The following ELL2 variants were observed in gnomAD, a reference collection of about 807,000 sequenced individuals.
The protein encoded by ELL2 is elongation factor for RNA polymerase II 2.
ELL2 carries 21 observed loss-of-function variants against 72.8 expected under a neutral mutation model. The observed-to-expected ratio is 0.29, with a 90% confidence interval of 0.20 to 0.42. The LOEUF (loss-of-function observed/expected upper bound fraction) is 0.42. ELL2 is among the 10% of genes least tolerant of loss of function. The pLI is 1.00. For missense variants in ELL2, 568 were observed against 772.8 expected (o/e 0.73, Z 3.14); for synonymous variants, 266 against 283.2 (o/e 0.94, Z 0.61).
chr5:95,929,882 T>C (rs1750535761), intron 2 of ELL2, among the ~76,000 whole-genome samples: 1 of 152,060 alleles, frequency 6.6e-6, no homozygotes, highest in South Asian at 2.1e-4. Context: ...TCTTATGCTA[T>C]GTTTAGCCCC....
chr5:95,907,296 A>ATTTTTTTTTTTTTTTTTTTTTT (rs1211663802), intron 4 of ELL2, among the ~76,000 whole-genome samples: 2 of 116,490 alleles, frequency 1.7e-5, no homozygotes, highest in African/African-American at 8.2e-5. Flanking sequence ...ATATATATAT[A>ATTTTTTTTTTTTTTTTTTTTTT]TTTTTTTTTT....
chr5:95,961,630 T>C lies in ELL2; in HGVS notation c.92A>G (p.His31Arg). 3 of 1,609,258 alleles carry C rather than the reference T, an allele frequency of 1.9e-6. No homozygotes were observed. The highest frequency in any genetic ancestry group is 2.5e-6 in the Non-Finnish European group (3 of 1,178,348). ...GATCGCCGTCTCGGTGAGCTTCACA[T>C]GCAGTACGGTGATGTTGTCCTGCCC... ...RLGQDNITVL[H>R]VKLTETAIRA... The change falls in exon 1 of 12, where the codon CAT becomes CGT. Residue 31 changes from histidine (H) to arginine (R), a missense_variant. His to Arg is a conservative substitution (Grantham distance 29). Around this residue, in one of 2 missense-constraint regions of ELL2, gnomAD observed 57 missense variants for 44.4 expected, o/e 1.28. Coordinates refer to ENST00000237853, the MANE Select transcript of ELL2 (RefSeq NM_012081.6).
chr5:95,909,645 A>G (rs1037001013), intron 4 of ELL2, among the ~76,000 whole-genome samples: 1 of 152,202 alleles, frequency 6.6e-6, no homozygotes, highest in South Asian at 2.1e-4. Context: ...CTATGGGAGA[A>G]CCTAATTCTC....
At chr5:95,916,079 A>G (rs945462199) in intron 3 of ELL2, among the ~76,000 whole-genome samples, 3 of 151,952 alleles carry the variant, frequency 2.0e-5, no homozygotes, top group Admixed American at 2.0e-4. Context: ...CAGTGATGGC[A>G]TGAACCAGAG....
chr5:95,948,293 T>C (rs1039170398), intron 1 of ELL2, among the ~76,000 whole-genome samples: 6 of 151,722 alleles, frequency 4.0e-5, no homozygotes, highest in African/African-American at 1.5e-4. Flanking sequence ...TAGCCGGGTG[T>C]GGTGTGGGCA....
chr5:95,889,271 T>C lies in ELL2; in HGVS notation c.1762-141A>G, dbSNP rs1267796900. 5.3e-5 allele frequency: 37 copies of C among 700,714 alleles called. No individual in the cohort carries two copies. The East Asian group carries it at 9.5e-4, about 18-fold the overall frequency. 43.4% of individuals were successfully genotyped at this position (700,714 alleles called of 1,614,324 possible). A position where few individuals can be genotyped will look rare whatever the true frequency, so the allele number is the denominator to read the frequency against. On this transcript the variant is annotated intron_variant, in intron 10 of 11. Transcript: ENST00000237853. ...TTGAAACAATCTTTATGGAAGGCAA[T>C]GTGGCAACAGCTATCAAAATAGTAA...
chr5:95,921,612 T>G (rs1750091424), intron 2 of ELL2, among the ~76,000 whole-genome samples: 1 of 152,138 alleles, frequency 6.6e-6, no homozygotes, highest in South Asian at 2.1e-4. Flanking sequence ...AACTTCTTAA[T>G]CCTACAGCAG....
At chr5:95,933,269 G>A (rs1750660802) in intron 2 of ELL2, among the ~76,000 whole-genome samples, 2 of 152,088 alleles carry the variant, frequency 1.3e-5, no homozygotes, top group African/African-American at 4.8e-5. Flanking sequence ...AAAGTATTCT[G>A]ACCTAATAAA....
At chr5:95,952,000 G>C (rs973329286) in intron 1 of ELL2, among the ~76,000 whole-genome samples, 4 of 152,194 alleles carry the variant, frequency 2.6e-5, no homozygotes, top group African/African-American at 9.7e-5. Context: ...ATAGAGATTT[G>C]AGGAGTAAAA....
chr5:95,933,243 G>C (rs1439162580), intron 2 of ELL2, among the ~76,000 whole-genome samples: 1 of 152,156 alleles, frequency 6.6e-6, no homozygotes, highest in Non-Finnish European at 1.5e-5. Flanking sequence ...TTTGGTGACA[G>C]TTATTGAAAA....
chr5:95,906,093 T>G (rs963902216), intron 5 of ELL2, among the ~76,000 whole-genome samples: 1 of 152,186 alleles, frequency 6.6e-6, no homozygotes, highest in African/African-American at 2.4e-5. Flanking sequence ...GCACAAAGTA[T>G]GTGGGGCAAG....
At chr5:95,901,184 G>T in intron 5 of ELL2, 104 bp from the exon 6 acceptor site, 1 of 1,251,248 alleles carries the variant, frequency 8.0e-7, no homozygotes, top group African/African-American at 1.5e-5. Context: ...TACATCAATT[G>T]GCCCCAAAGG....
At chr5:95,942,526 CTT>C (rs1751006308) in intron 2 of ELL2, among the ~76,000 whole-genome samples, 1 of 152,010 alleles carries the variant, frequency 6.6e-6, no homozygotes, top group African/African-American at 2.4e-5. Context: ...ACACAGAAAA[CTT>C]TGTTTATTCT....
intron 1 of ELL2, among the ~76,000 whole-genome samples, chr5:95,944,745 A>C (rs1751091877): frequency 6.6e-6 from 1 of 152,152 alleles, no homozygotes; most frequent in African/African-American, 2.4e-5. Context: ...TGCTTTCTGA[A>C]TGTCTCTCCA....
intron 4 of ELL2, chr5:95,913,535 G>GT (rs1749679775): frequency 2.7e-6 from 1 of 374,072 alleles, no homozygotes; most frequent in Non-Finnish European, 4.7e-6. Flanking sequence ...TAAAATAATA[G>GT]TAAGTAGCCA....
intron 2 of ELL2, among the ~76,000 whole-genome samples, chr5:95,933,050 A>C (rs1002615228): frequency 2.6e-5 from 4 of 152,172 alleles, no homozygotes; most frequent in African/African-American, 9.7e-5. Context: ...TCAGATTATA[A>C]TCAAACAAAT....
In ELL2 at chr5:95,940,878, T is replaced by C. The variant is rs573043668; in HGVS notation, c.195+2124A>G. On this transcript the variant is annotated intron_variant, in intron 2 of 11. Transcript: ENST00000237853. ...ACCCTCACATCGGTGGCCCTGCGTCTTCCCTGTGGGCTGTGCCAACCCACT... is the reference window on the plus strand; with the variant it reads ...ACCCTCACATCGGTGGCCCTGCGTCCTCCCTGTGGGCTGTGCCAACCCACT... Among the ~76,000 whole-genome samples the C allele has an allele frequency of 2.0e-5, 3 of 152,216 alleles. No individual in the cohort carries two copies. In the South Asian group the frequency reaches 6.2e-4, roughly 32 times the overall value.
chr5:95,960,730 C>T (rs1042002440), intron 1 of ELL2, among the ~76,000 whole-genome samples: 3 of 152,150 alleles, frequency 2.0e-5, no homozygotes, highest in Non-Finnish European at 4.4e-5. Context: ...CGATGTCTTG[C>T]TCCCGGGGAG....
At chr5:95,913,657 G>T in intron 4 of ELL2, 114 bp downstream of exon 4, 1 of 1,197,340 alleles carries the variant, frequency 8.4e-7, no homozygotes, top group Non-Finnish European at 1.1e-6. Context: ...TATCCAAAAT[G>T]TTCTGAAAAC....
Sources: gnomAD v4.1 joint callset for allele counts (sites outside exome capture counted in the v4.1 genomes callset) on GRCh38, gnomAD v4.1.1 for gene constraint, gnomAD v4.1.1 regional missense constraint, MANE v1.5 for transcripts, NCBI Gene and HGNC (gene_info 2026-07-23, HGNC 2026-07-21) for gene names.